Variants in PCDHGA5 observed in about 807,000 individuals in gnomAD.
The protein encoded by PCDHGA5 is protocadherin gamma-A5.
In PCDHGA5, 36 loss-of-function variants were observed where a neutral mutation model predicts 56.7. The ratio of observed to expected loss-of-function variants is 0.64; its 90% confidence interval spans 0.49 to 0.84. The LOEUF (loss-of-function observed/expected upper bound fraction) is 0.84. Ranked by LOEUF, PCDHGA5 falls within the 40% of genes least tolerant of loss-of-function variation. The pLI, the probability that PCDHGA5 is intolerant of heterozygous loss-of-function variation, is 0.00. For missense variants in PCDHGA5, 1,305 were observed against 1,201.5 expected, an observed-to-expected ratio of 1.09 and a Z score of -1.27; for synonymous variants, 563 against 520.2, an observed-to-expected ratio of 1.08 and a Z score of -1.12.
chr5:141,478,096 T>C (rs749277013), intron 1 of PCDHGA5: 1 of 1,614,074 alleles, frequency 6.2e-7, no homozygotes, highest in South Asian at 1.1e-5. Context: ...CCACCACTGC[T>C]ACCCTCACTG....
intron 1 of PCDHGA5, chr5:141,383,993 T>C: frequency 2.5e-6 from 4 of 1,613,872 alleles, no homozygotes; most frequent in Non-Finnish European, 3.4e-6. Context: ...CTTGGGACAG[T>C]CATTGCTCTT....
rs192677983 is a variant in PCDHGA5 at position 141,457,339 on chromosome 5, A to G, written c.2422-37468A>G. On this transcript the variant is annotated intron_variant, in intron 1 of 3. Transcript: ENST00000518069. The stretch of plus-strand genomic sequence containing the variant: ...CCTCCGGGTTACAGGTACCTTACTT[A>G]CTTTCATTACCTGGCACAATTTGCA... Among the ~76,000 whole-genome samples the G allele has an allele frequency of 3.1e-4, 47 of 152,268 alleles. No individual in the cohort carries two copies. The South Asian group carries it at 3.3e-3, about 11-fold the overall frequency.
intron 1 of PCDHGA5, chr5:141,374,914 A>G: frequency 6.2e-7 from 1 of 1,613,906 alleles, no homozygotes; most frequent in African/African-American, 1.3e-5. Context: ...ACGGGGAAGT[A>G]ACTTATTCCT....
At chr5:141,416,274 A>G (rs2096010347) in intron 1 of PCDHGA5, 2 of 152,404 alleles carry the variant, frequency 1.3e-5, no homozygotes, top group Non-Finnish European at 1.5e-5. Flanking sequence ...CTTTTTGCAT[A>G]CAATTCTCTA....
intron 1 of PCDHGA5, chr5:141,400,483 C>G (rs748464990): frequency 1.4e-5 from 22 of 1,613,902 alleles, no homozygotes; most frequent in Non-Finnish European, 1.7e-5. Context: ...GGCCTTATTT[C>G]CACTTTGTAA....
chr5:141,489,896 C>T lies in PCDHGA5; in HGVS notation c.2422-4911C>T, dbSNP rs765318875. 3 of 1,614,180 alleles carry T rather than the reference C, an allele frequency of 1.9e-6. No homozygotes were observed. The highest frequency in any genetic ancestry group is 1.3e-5 in the African/African-American group (1 of 75,066). On this transcript the variant is annotated intron_variant, in intron 1 of 3. Coordinates refer to ENST00000518069, the MANE Select transcript of PCDHGA5 (RefSeq NM_018918.3). The surrounding 1 kb of genome is among the most constrained non-coding windows in gnomAD (Gnocchi z 4.5). ...GTGCTTACTGCTGTGGATGGGGGGA[C>T]CCCAGCCCGCTCAGGGACCACCCTT...
Position 141,375,311 on chromosome 5 carries a change from C to G in PCDHGA5, c.2421+8560C>G, listed in dbSNP as rs367639660. On this transcript the variant is annotated intron_variant, in intron 1 of 3. Transcript: ENST00000518069. ...TTATCGATTAGTGACAAATGCAGCTCTAGACCGGGAAGAGGTATTCTTGTA... is the reference window on the plus strand; with the variant it reads ...TTATCGATTAGTGACAAATGCAGCTGTAGACCGGGAAGAGGTATTCTTGTA... The G allele has an allele frequency of 2.0e-5, 32 of 1,613,730 alleles. No individual in the cohort carries two copies. The Middle Eastern group carries it at 4.9e-4, about 25-fold the overall frequency.
At chr5:141,385,391 A>G (rs1781168651) in intron 1 of PCDHGA5, 1 of 1,505,360 alleles carries the variant, frequency 6.6e-7, no homozygotes, top group Non-Finnish European at 8.9e-7. Context: ...TTATTTTGCA[A>G]AACAAATGTT....
chr5:141,415,772 T>TTTTA, intron 1 of PCDHGA5: 1 of 1,332,982 alleles, frequency 7.5e-7, no homozygotes, highest in Non-Finnish European at 9.6e-7. Context: ...TTTTTTTTTT[T>TTTTA]ACTTTCTGGT....
At position 141,366,662 on chromosome 5, in the gene PCDHGA5, A is replaced by T. The variant is rs1400618263; in HGVS notation, c.2332A>T (p.Thr778Ser). The T allele has an allele frequency of 5.6e-6, 9 of 1,614,264 alleles. No individual in the cohort carries two copies. Among genetic ancestry groups the T allele is most frequent in the Non-Finnish European group, 7.6e-6 (9 of 1,180,044 alleles). The change falls in exon 1 of 4, where the codon ACG (threonine) becomes TCG (serine). Residue 778 changes from threonine to serine, a missense_variant. Physicochemically the swap from Thr to Ser is moderately conservative, Grantham distance 58. Coordinates refer to ENST00000518069, the MANE Select transcript of PCDHGA5 (RefSeq NM_018918.3). ...CTTTCCCCAGCCCAACTACGCAGAC[A>T]CGCTCCTTAGTGAAGAGAGCTGTGA... ...LIFPQPNYADTLLSEESCEKS... is the reference protein window; with the variant it reads ...LIFPQPNYADSLLSEESCEKS...
intron 1 of PCDHGA5, among the ~76,000 whole-genome samples, chr5:141,458,247 C>T (rs758242859): frequency 4.6e-5 from 7 of 152,100 alleles, no homozygotes; most frequent in South Asian, 2.1e-4. Flanking sequence ...CAAAATGATA[C>T]GGCTCTGATG....
In PCDHGA5 at chr5:141,477,605, T is replaced by A. The variant is rs1339408637; in HGVS notation, c.2422-17202T>A. On this transcript the variant is annotated intron_variant, in intron 1 of 3. Transcript: ENST00000518069. This position sits in a 1 kb window ranked among gnomAD's most constrained non-coding sequence, Gnocchi z 4.9. ...GAATGCTCGGCTTTCTTTCTTTCTCTTGGAGCAAGGAGCTGAAACCGGGCT... is the reference window on the plus strand; with the variant it reads ...GAATGCTCGGCTTTCTTTCTTTCTCATGGAGCAAGGAGCTGAAACCGGGCT... The A allele has an allele frequency of 6.2e-6, 10 of 1,614,102 alleles. No individual in the cohort carries two copies. In the South Asian group the frequency reaches 1.1e-4, roughly 18 times the overall value.
At chr5:141,399,237 A>C in intron 1 of PCDHGA5, 1 of 1,614,002 alleles carries the variant, frequency 6.2e-7, no homozygotes, top group Non-Finnish European at 8.5e-7. Flanking sequence ...TACATGACCA[A>C]GATTCTGGGG....
At chr5:141,388,290 A>T (rs1299323228) in intron 1 of PCDHGA5, 1 of 1,613,388 alleles carries the variant, frequency 6.2e-7, no homozygotes, top group Non-Finnish European at 8.5e-7. Flanking sequence ...ATTCACGCAA[A>T]ATTCCTTTGA....
At chr5:141,424,078 T>C in intron 1 of PCDHGA5, 1 of 975,828 alleles carries the variant, frequency 1.0e-6, no homozygotes, top group South Asian at 4.8e-5. Context: ...GTAGTTATAT[T>C]CCACCATTAT....
At chr5:141,492,168 A>C (rs1426223836) in intron 1 of PCDHGA5, among the ~76,000 whole-genome samples, 1 of 152,108 alleles carries the variant, frequency 6.6e-6, no homozygotes, top group African/African-American at 2.4e-5. Context: ...CTATCCCCGC[A>C]TCACCCAACC....
rs146860480 is a variant in PCDHGA5 at position 141,474,581 on chromosome 5, T to G, written c.2422-20226T>G. ...GGTTTTCAGAGATTAATTGAAGTGTTAAAGACATGGAAATATAGGTCACAT... is the reference window on the plus strand; with the variant it reads ...GGTTTTCAGAGATTAATTGAAGTGTGAAAGACATGGAAATATAGGTCACAT... On this transcript the variant is annotated intron_variant, in intron 1 of 3. Transcript: ENST00000518069. Among the ~76,000 whole-genome samples the G allele has an allele frequency of 7.1e-4, 108 of 152,358 alleles. No homozygotes were observed. The East Asian group carries it at 0.015, about 21-fold the overall frequency.
rs1763490824 is a variant in PCDHGA5 at position 141,364,702 on chromosome 5, C to G, written c.372C>G (p.Ile124Met). The G allele has an allele frequency of 1.2e-6, 2 of 1,613,922 alleles. No homozygotes were observed. Among genetic ancestry groups the G allele is most frequent in the East Asian group, 2.2e-5 (1 of 44,888 alleles). Residue 124 changes from isoleucine to methionine, a missense_variant, in exon 1 of 4, where the codon ATC becomes ATG. Coordinates refer to ENST00000518069, the MANE Select transcript of PCDHGA5 (RefSeq NM_018918.3). The part of the protein sequence containing the change: ...MKIYGVEVEI[I>M]DINDNFPRFR... Reference sequence around the variant, plus strand: ...TTTATGGAGTAGAAGTAGAAATAATCGATATTAATGATAACTTCCCGCGTT... The same window carrying G: ...TTTATGGAGTAGAAGTAGAAATAATGGATATTAATGATAACTTCCCGCGTT...
At chr5:141,460,010 G>A (rs376180479) in intron 1 of PCDHGA5, among the ~76,000 whole-genome samples, 1 of 152,126 alleles carries the variant, frequency 6.6e-6, no homozygotes, top group Admixed American at 6.5e-5. Context: ...CCCAGGAGGC[G>A]GAGGTTGCAG....
Sources: gnomAD v4.1 joint callset for allele counts (sites outside exome capture counted in the v4.1 genomes callset) on GRCh38, gnomAD v4.1.1 for gene constraint, Gnocchi (gnomAD v3.1) non-coding constraint, MANE v1.5 for transcripts, NCBI Gene and HGNC (gene_info 2026-07-23, HGNC 2026-07-21) for gene names.